The following HID1 variants were observed in gnomAD, a reference collection of about 807,000 sequenced individuals.
HID1 encodes HID1 domain containing, also known as protein HID1.
Under a neutral mutation model 89.7 loss-of-function variants are expected in HID1, and 42 were observed. The observed-to-expected ratio is 0.47, with a 90% CI of 0.37 to 0.61. The LOEUF (loss-of-function observed/expected upper bound fraction) is 0.61. Among genes scored for constraint, HID1 ranks in the 20% least tolerant of loss-of-function variants. The pLI is 0.00. For missense variants in HID1, 854 were observed against 1,039.3 expected (o/e 0.82, Z 2.45); for synonymous variants, 442 against 433.8 (o/e 1.02, Z -0.24).
chr17:74,953,811 G>A (rs1033893982), intron 14 of HID1, among the ~76,000 whole-genome samples, 160 bp from the exon 15 acceptor site: 3 of 151,822 alleles, frequency 2.0e-5, no homozygotes, highest in African/African-American at 4.8e-5. Flanking sequence ...GCCCTCTCCT[G>A]CGCCCATCCC....
At chr17:74,956,138 G>A (rs543557808) in intron 12 of HID1, among the ~76,000 whole-genome samples, 182 bp from the exon 13 acceptor site, 1 of 152,278 alleles carries the variant, frequency 6.6e-6, no homozygotes, top group East Asian at 1.9e-4. Flanking sequence ...AGTCCTGGGA[G>A]GCAGTTAGGC....
At position 74,952,273 on chromosome 17, in the gene HID1, C is replaced by A; in HGVS notation, c.2140G>T (p.Asp714Tyr). 1 of 1,613,204 alleles carries A rather than the reference C, an allele frequency of 6.2e-7. No homozygotes were observed. The highest frequency in any genetic ancestry group is 1.1e-5 in the South Asian group (1 of 91,032). ...LVPQVEKICI[D>Y]KGLTDESEIL... is the part of the protein sequence containing the mutation. Reference sequence around the variant, plus strand: ...CCCTGCCGGCGCCCGACTCACTTGTCAATGCAGATCTTCTCCACCTGCGGA... The same window carrying A: ...CCCTGCCGGCGCCCGACTCACTTGTAAATGCAGATCTTCTCCACCTGCGGA... The change falls in exon 17 of 19, where the codon GAC (aspartate) becomes TAC (tyrosine). Residue 714 changes from aspartate to tyrosine, a missense_variant. Physicochemically the swap from Asp to Tyr is radical, Grantham distance 160. Coordinates refer to ENST00000425042, the MANE Select transcript of HID1 (RefSeq NM_030630.3).
At position 74,951,341 on chromosome 17, in the gene HID1, C is replaced by T; in HGVS notation, c.*229G>A. 1 of 586,088 alleles carries T rather than the reference C, an allele frequency of 1.7e-6. No individual in the cohort carries two copies. The highest frequency in any genetic ancestry group is 2.1e-5 in the South Asian group (1 of 48,334). The allele number at this position is 586,088 out of a possible 1,614,324, so 36.3% of individuals were successfully genotyped here. A position where few individuals can be genotyped will look rare whatever the true frequency, so the allele number is the denominator to read the frequency against. The stretch of plus-strand genomic sequence containing the variant: ...TGGGGGCAGTGGTCTCTGGTGGGGG[C>T]ATAGCCCCAGAGATGGGGCTCCTGT... On this transcript the variant is annotated 3_prime_UTR_variant, in exon 19 of 19. Transcript: ENST00000425042.
chr17:74,963,366 T>C, intron 3 of HID1: 1 of 495,238 alleles, frequency 2.0e-6, no homozygotes, highest in Non-Finnish European at 3.6e-6. Flanking sequence ...GGAATCACTG[T>C]GTTGCATCCC....
Position 74,954,144 on chromosome 17 carries a change from T to C in HID1, c.1858A>G (p.Thr620Ala), listed in dbSNP as rs1463929896. Residue 620 changes from threonine (T) to alanine (A), a missense_variant, in exon 14 of 19, where the codon ACT becomes GCT. Physicochemically the swap from Thr to Ala is moderately conservative, Grantham distance 58. Coordinates refer to ENST00000425042, the MANE Select transcript of HID1 (RefSeq NM_030630.3). ...PGTLKTSLVA[T>A]PGIDKLTEKS... ...CCATCCACTAGCACCAGACCTGGAG[T>C]AGCCACCAGACTGGTCTTGAGGGTG... 1.9e-6 allele frequency: 3 copies of C among 1,595,910 alleles called. No individual in the cohort carries two copies. Among genetic ancestry groups the C allele is most frequent in the Non-Finnish European group, 2.6e-6 (3 of 1,172,432 alleles).
chr17:74,963,084 G>T lies in HID1; in HGVS notation c.388-3C>A. ...TGCTCATCATCCTCTTCTCCCTGCT[G>T]GGGACACAGCACCCACAGGCTGCCT... On this transcript the variant is annotated splice_region_variant and splice_polypyrimidine_tract_variant and intron_variant, in intron 3 of 18. Transcript: ENST00000425042. 1 of 1,594,910 alleles carries T rather than the reference G, an allele frequency of 6.3e-7. No individual in the cohort carries two copies. The highest frequency in any genetic ancestry group is 8.6e-7 in the Non-Finnish European group (1 of 1,168,690).
rs2039502698 is a variant in HID1, at chr17:74,962,794, T to G, written c.504+171A>C. On this transcript the variant is annotated intron_variant, in intron 4 of 18. Transcript: ENST00000425042. This position sits in a 1 kb window ranked among gnomAD's most constrained non-coding sequence, Gnocchi z 4.3. ...GCGGGCAGGGCCAGCCCCAGCTGGC[T>G]TCCCTCAGCTGTACCAGCTGCCACC... 6.6e-6 allele frequency among the ~76,000 whole-genome samples: 1 copy of G among 152,188 alleles called. No homozygotes were observed. Among genetic ancestry groups the G allele is most frequent in the African/African-American group, 2.4e-5 (1 of 41,450 alleles).
chr17:74,958,750 A>G lies in HID1; in HGVS notation c.1163T>C (p.Phe388Ser), dbSNP rs2039433863. 1 of 1,612,624 alleles carries G rather than the reference A, an allele frequency of 6.2e-7. No homozygotes were observed. The highest frequency in any genetic ancestry group is 8.5e-7 in the Non-Finnish European group (1 of 1,179,744). ...LCDFNKKFLF[F>S]VLKSSDVLDI... ...TAGGACGTCGCTGCTCTTCAGCACG[A>G]AGAAGAGGAATTTCTAGGGGTGCGG... Residue 388 changes from phenylalanine to serine, a missense_variant, in exon 10 of 19, where the codon TTC (phenylalanine) becomes TCC (serine). Phe to Ser is a radical substitution (Grantham distance 155, BLOSUM62 -2). Coordinates refer to ENST00000425042, the MANE Select transcript of HID1 (RefSeq NM_030630.3). This position sits in a 1 kb window ranked among gnomAD's most constrained non-coding sequence, Gnocchi z 5.2.
At chr17:74,968,135 T>TTCTAA in intron 1 of HID1, among the ~76,000 whole-genome samples, 1 of 152,156 alleles carries the variant, frequency 6.6e-6, no homozygotes, top group South Asian at 2.1e-4. Context: ...TTCTGGTCTC[T>TTCTAA]GAAGCTACTT....
intron 1 of HID1, among the ~76,000 whole-genome samples, chr17:74,970,145 G>A (rs2039624646): frequency 1.3e-5 from 2 of 151,718 alleles, no homozygotes; most frequent in Non-Finnish European, 2.9e-5. Flanking sequence ...TCGAACTCCT[G>A]ACCTCAGGTG....
At chr17:74,952,121 AC>A (rs1478764797) in intron 17 of HID1, 58 bp from the exon 18 acceptor site, 40 of 1,529,232 alleles carry the variant, frequency 2.6e-5, no homozygotes, top group Non-Finnish European at 3.5e-5. Flanking sequence ...CACGGGGCTC[AC>A]CCTGGCCACC....
chr17:74,957,824 C>A, intron 12 of HID1: 1 of 323,838 alleles, frequency 3.1e-6, no homozygotes, highest in Non-Finnish European at 6.0e-6. Flanking sequence ...TGCTTGAACC[C>A]AAGGGGCGGA....
rs1043147527 is a variant in HID1, at chr17:74,952,145, T to C, written c.2145-82A>G. ...CACCCTGGCCACCCAAGACCCATGT[T>C]TCCCATCACACGCCTACCTAAGCCT... On this transcript the variant is annotated intron_variant, in intron 17 of 18. Coordinates refer to ENST00000425042, the MANE Select transcript of HID1 (RefSeq NM_030630.3). The C allele has an allele frequency of 3.9e-5, 59 of 1,523,886 alleles. No individual in the cohort carries two copies. The Middle Eastern group carries it at 6.9e-4, about 18-fold the overall frequency. The allele number at this position is 1,523,886 out of a possible 1,614,324, so 94.4% of individuals were successfully genotyped here.
In HID1 at chr17:74,972,094, C is replaced by T. The variant is rs1245816491; in HGVS notation, c.66+497G>A. ...CCCACGGGCATCGACCAGGGCCCAG[C>T]GAGGCCGCTGCCGCGCACACCAGCT... On this transcript the variant is annotated intron_variant, in intron 1 of 18. Transcript: ENST00000425042. The surrounding 1 kb of genome is among the most constrained non-coding windows in gnomAD (Gnocchi z 6.4). Among the ~76,000 whole-genome samples, 1 of 152,212 alleles carries T rather than the reference C, an allele frequency of 6.6e-6. No homozygotes were observed. The highest frequency in any genetic ancestry group is 2.4e-5 in the African/African-American group (1 of 41,444).
chr17:74,966,759 G>A (rs1236559530), intron 1 of HID1, among the ~76,000 whole-genome samples: 1 of 151,898 alleles, frequency 6.6e-6, no homozygotes, highest in East Asian at 1.9e-4. Flanking sequence ...AGACCAGCCT[G>A]GGCAACATGG....
intron 3 of HID1, 56 bp downstream of exon 3, chr17:74,963,684 G>T: frequency 6.7e-7 from 1 of 1,503,178 alleles, no homozygotes; most frequent in Non-Finnish European, 9.0e-7. Context: ...CCTAAAGGGC[G>T]CTCTCCCTGT....
intron 1 of HID1, among the ~76,000 whole-genome samples, chr17:74,971,920 C>T (rs752689928): frequency 1.2e-4 from 18 of 152,098 alleles, no homozygotes; most frequent in Non-Finnish European, 1.9e-4. Flanking sequence ...GGCTAACAGC[C>T]TTTCCCTTGC....
chr17:74,960,388 G>A, intron 6 of HID1, 140 bp from the exon 7 acceptor site: 1 of 713,876 alleles, frequency 1.4e-6, no homozygotes, highest in Non-Finnish European at 2.3e-6. Flanking sequence ...GGAAAGAGTG[G>A]GTGTGGGAAG....
intron 1 of HID1, among the ~76,000 whole-genome samples, chr17:74,967,655 G>A (rs2039582915): frequency 6.6e-6 from 1 of 151,596 alleles, no homozygotes; most frequent in Non-Finnish European, 1.5e-5. Context: ...TTTGAGACCA[G>A]CCTGAACAAC....
Sources: gnomAD v4.1 joint callset for allele counts (sites outside exome capture counted in the v4.1 genomes callset) on GRCh38, gnomAD v4.1.1 for gene constraint, Gnocchi (gnomAD v3.1) non-coding constraint, MANE v1.5 for transcripts, NCBI Gene and HGNC (gene_info 2026-07-23, HGNC 2026-07-21) for gene names.